Variants in AHSA1 observed in about 807,000 individuals in gnomAD.
AHSA1 encodes activator of HSP90 ATPase activity 1, also known as activator of 90 kDa heat shock protein ATPase homolog 1.
A neutral mutation model predicts 46.1 loss-of-function variants in AHSA1; 14 were observed. The observed-to-expected ratio is 0.30, with a 90% CI of 0.20 to 0.47. The LOEUF is 0.47. Among genes scored for constraint, AHSA1 ranks in the 20% least tolerant of loss-of-function variants. The probability of loss-of-function intolerance (pLI) is 0.99; values close to 1 mark genes in which losing one functional copy is unlikely to be tolerated. For synonymous variants in AHSA1, 147 were observed against 145.8 expected, an observed-to-expected ratio of 1.01 and a Z score of -0.06; for missense variants, 333 against 415.9, an observed-to-expected ratio of 0.80 and a Z score of 1.73.
At chr14:77,468,339 T>C in intron 7 of AHSA1, 118 bp from the exon 8 acceptor site, 1 of 1,197,168 alleles carries the variant, frequency 8.4e-7, no homozygotes, top group Non-Finnish European at 1.2e-6. Flanking sequence ...TTGAACTGTC[T>C]TGCAAGTAAT....
chr14:77,467,538 C>G (rs1028532521), intron 6 of AHSA1, among the ~76,000 whole-genome samples: 21 of 151,234 alleles, frequency 1.4e-4, no homozygotes, highest in Admixed American at 1.3e-3. Context: ...CTAAAAAATA[C>G]AAAAAGTTAG....
Position 77,462,147 on chromosome 14 carries a change from T to C in AHSA1, c.272-13T>C, listed in dbSNP as rs2079028220. Reference sequence around the variant, plus strand: ...CAAGGAGTGGACTAATGACATTGCATTGGTTTTGACAGGTACTTCTAAGTC... The same window carrying C: ...CAAGGAGTGGACTAATGACATTGCACTGGTTTTGACAGGTACTTCTAAGTC... On this transcript the variant is annotated splice_polypyrimidine_tract_variant and intron_variant, in intron 2 of 8. Coordinates refer to ENST00000216479, the MANE Select transcript of AHSA1 (RefSeq NM_012111.3). The C allele has an allele frequency of 1.3e-6, 2 of 1,594,034 alleles. No individual in the cohort carries two copies. Among genetic ancestry groups the C allele is most frequent in the African/African-American group, 1.3e-5 (1 of 74,668 alleles).
intron 4 of AHSA1, among the ~76,000 whole-genome samples, chr14:77,464,373 C>CA (rs1007977725): frequency 3.2e-4 from 47 of 149,054 alleles, no homozygotes; most frequent in African/African-American, 9.6e-4. Flanking sequence ...GACTCCATCT[C>CA]AAAAAAAAAA....
At chr14:77,462,596 G>A (rs775172866) in intron 3 of AHSA1, 46 bp from the exon 4 acceptor site, 12 of 1,562,930 alleles carry the variant, frequency 7.7e-6, no homozygotes, top group Non-Finnish European at 1.1e-5. Flanking sequence ...CCATAATGAG[G>A]GTGCCCCTCA....
intron 2 of AHSA1, among the ~76,000 whole-genome samples, chr14:77,460,434 T>G (rs2079016577): frequency 8.7e-6 from 1 of 115,078 alleles, no homozygotes; most frequent in African/African-American, 3.4e-5. Flanking sequence ...TGATAAACAT[T>G]TCCGAAGTGA....
Position 77,465,594 on chromosome 14 carries a change from C to A in AHSA1, c.617C>A (p.Thr206Asn), listed in dbSNP as rs11539462. The A allele has an allele frequency of 1.2e-6, 2 of 1,613,918 alleles. No individual in the cohort carries two copies. Among genetic ancestry groups the A allele is most frequent in the African/African-American group, 2.7e-5 (2 of 74,944 alleles). The change falls in exon 6 of 9, where the codon ACT becomes AAT. Residue 206 changes from threonine to asparagine, a missense_variant. Coordinates refer to ENST00000216479, the MANE Select transcript of AHSA1 (RefSeq NM_012111.3). ...QARPVGVKIP[T>N]CKITLKETFL... is the part of the protein sequence containing the mutation. ...AGACCTGTTGGAGTCAAAATCCCCACTTGTAAGATCACTCTTAAGGAAACC... is the reference window on the plus strand; with the variant it reads ...AGACCTGTTGGAGTCAAAATCCCCAATTGTAAGATCACTCTTAAGGAAACC...
In AHSA1 at chr14:77,462,335, C is replaced by T. The variant is rs535099196; in HGVS notation, c.354+93C>T. The T allele has an allele frequency of 3.9e-5, 51 of 1,303,896 alleles. No individual in the cohort carries two copies. The Admixed American group carries it at 9.4e-4, about 24-fold the overall frequency. The allele number at this position is 1,303,896 out of a possible 1,614,324, so 80.8% of individuals were successfully genotyped here. A position where few individuals can be genotyped will look rare whatever the true frequency, so the allele number is the denominator to read the frequency against. ...TGTCATTCAGGATTCATAGCCCAGG[C>T]TTGGTCCAAGCATTCAGAACCCTAG... On this transcript the variant is annotated intron_variant, in intron 3 of 8. Coordinates refer to ENST00000216479, the MANE Select transcript of AHSA1 (RefSeq NM_012111.3).
chr14:77,465,280 A>G (rs1464706020), intron 5 of AHSA1, among the ~76,000 whole-genome samples: 1 of 152,160 alleles, frequency 6.6e-6, no homozygotes, highest in Non-Finnish European at 1.5e-5. Context: ...AAAATATCTC[A>G]ATGATTTGAT....
chr14:77,467,163 C>A (rs568651811), intron 6 of AHSA1, among the ~76,000 whole-genome samples: 1 of 152,336 alleles, frequency 6.6e-6, no homozygotes, highest in African/African-American at 2.4e-5. Flanking sequence ...CTTTGAGGGG[C>A]TGAGGCGGGT....
chr14:77,462,801 C>G, intron 4 of AHSA1, 42 bp downstream of exon 4: 15 of 1,547,752 alleles, frequency 9.7e-6, no homozygotes, highest in Non-Finnish European at 1.2e-5. Context: ...GAGGTAGTTT[C>G]CACCTGTTAG....
intron 4 of AHSA1, among the ~76,000 whole-genome samples, chr14:77,463,730 T>G (rs1452872925): frequency 2.0e-5 from 3 of 152,236 alleles, no homozygotes; most frequent in African/African-American, 4.8e-5. Context: ...TCCAGGGATA[T>G]TTAGATGCTT....
chr14:77,466,795 A>T (rs1167849797), intron 6 of AHSA1, among the ~76,000 whole-genome samples: 1 of 152,242 alleles, frequency 6.6e-6, no homozygotes, highest in African/African-American at 2.4e-5. Flanking sequence ...ACTGCATTCG[A>T]TGGCTAACTT....
intron 2 of AHSA1, among the ~76,000 whole-genome samples, chr14:77,460,723 G>A (rs560024609): frequency 2.0e-5 from 3 of 151,256 alleles, no homozygotes; most frequent in East Asian, 2.0e-4. Flanking sequence ...CACCACGCCC[G>A]GCTAATTTTG....
At chr14:77,462,839 T>C (rs758541052) in intron 4 of AHSA1, 80 bp downstream of exon 4, 8 of 1,214,104 alleles carry the variant, frequency 6.6e-6, no homozygotes, top group Non-Finnish European at 9.7e-6. Context: ...GGACAGTCCT[T>C]TCTTTGGCAA....
At chr14:77,467,431 C>T (rs1258789057) in intron 6 of AHSA1, among the ~76,000 whole-genome samples, 1 of 151,492 alleles carries the variant, frequency 6.6e-6, no homozygotes, top group South Asian at 2.1e-4. Flanking sequence ...CGGTGGCTCA[C>T]GCCTGTAATC....
upstream of AHSA1, chr14:77,457,972 C>T: frequency 1.9e-6 from 1 of 526,860 alleles, no homozygotes. Flanking sequence ...CTAAATCAGG[C>T]GGAACCCACG....
intron 8 of AHSA1, chr14:77,468,742 T>TAAA (rs1347661752): frequency 4.4e-6 from 2 of 452,202 alleles, no homozygotes; most frequent in Non-Finnish European, 3.8e-6. Context: ...TTTTTTTTTT[T>TAAA]TTTACTTTTT....
rs1226999248 is a variant in AHSA1 at position 77,463,802 on chromosome 14, G to A, written c.473-796G>A. ...ATTTCTGCCAGTGTATTCTGATCTT[G>A]GTGTTGGAATATGTATAATAACCAT... On this transcript the variant is annotated intron_variant, in intron 4 of 8. Transcript: ENST00000216479. 2.0e-5 allele frequency among the ~76,000 whole-genome samples: 3 copies of A among 152,124 alleles called. No homozygotes were observed. The East Asian group carries it at 5.8e-4, about 29-fold the overall frequency.
intron 6 of AHSA1, among the ~76,000 whole-genome samples, chr14:77,467,703 A>AT (rs542507427): frequency 0.015 from 2,310 of 151,864 alleles, 55 homozygotes; most frequent in African/African-American, 0.052. Context: ...CAATAAATAA[A>AT]AAAATAAAAT....
Sources: allele counts gnomAD v4.1 joint callset (sites outside exome capture counted in the v4.1 genomes callset), GRCh38; gene constraint gnomAD v4.1.1; transcripts MANE v1.5; gene names NCBI Gene and HGNC (gene_info 2026-07-23, HGNC 2026-07-21).